The following ERBB4 variants were observed in gnomAD, a reference collection of about 807,000 sequenced individuals.
ERBB4 encodes the protein receptor tyrosine-protein kinase erbB-4.
A neutral mutation model predicts 158.0 loss-of-function variants in ERBB4; 42 were observed. That is an observed-to-expected ratio of 0.27 (90% CI 0.21 to 0.34). ERBB4 has a LOEUF of 0.34. ERBB4 is among the 10% of genes least tolerant of loss of function. ERBB4 has a pLI of 1.00. For synonymous variants in ERBB4, 583 were observed against 558.7 expected (o/e 1.04, Z -0.61); for missense variants, 1,333 against 1,624.1 (o/e 0.82, Z 3.08).
At chr2:212,450,554 C>CA (rs554193980) in intron 1 of ERBB4, among the ~76,000 whole-genome samples, 1,693 of 152,056 alleles carry the variant, frequency 0.011, 16 homozygotes, top group South Asian at 0.024. Flanking sequence ...CCTAGAGGCT[C>CA]AAAAAATACA....
rs1412139522 is a variant in ERBB4, at chr2:211,536,477, AAAGGCAAAC to A, written c.2487+25417_2487+25425del. On this transcript the variant is annotated intron_variant, in intron 20 of 27. Transcript: ENST00000342788. Reference sequence around the variant, plus strand: ...CTTCAGACATTACAAACATGACTTGAAAGGCAAACACTTGGAAAAGTCCCACTCTCCAGG... The same window carrying A: ...CTTCAGACATTACAAACATGACTTGAACTTGGAAAAGTCCCACTCTCCAGG... Among the ~76,000 whole-genome samples the A allele has an allele frequency of 2.6e-5, 4 of 152,164 alleles. No homozygotes were observed. In the East Asian group the frequency reaches 7.8e-4, roughly 30 times the overall value.
At chr2:211,610,035 A>G (rs1393204696) in intron 19 of ERBB4, among the ~76,000 whole-genome samples, 1 of 152,114 alleles carries the variant, frequency 6.6e-6, no homozygotes, top group African/African-American at 2.4e-5. Context: ...CTTTTGTAAT[A>G]CCATTTTTAG....
chr2:212,414,323 T>A (rs1560255857), intron 1 of ERBB4, among the ~76,000 whole-genome samples: 2 of 152,206 alleles, frequency 1.3e-5, no homozygotes, highest in Non-Finnish European at 2.9e-5. Context: ...ATGTTTTCAT[T>A]CTATATTCTT....
intron 2 of ERBB4, among the ~76,000 whole-genome samples, chr2:212,025,445 T>C (rs978736547): frequency 6.6e-6 from 1 of 151,798 alleles, no homozygotes; most frequent in African/African-American, 2.4e-5. Flanking sequence ...GTAGAAAGTC[T>C]TGTCCAAAGA....
At chr2:211,650,590 C>A (rs1358928825) in intron 16 of ERBB4, among the ~76,000 whole-genome samples, 1 of 152,060 alleles carries the variant, frequency 6.6e-6, no homozygotes, top group East Asian at 1.9e-4. Context: ...TGTGAATATG[C>A]AATATCATTC....
At chr2:212,271,058 T>C (rs760955417) in intron 1 of ERBB4, among the ~76,000 whole-genome samples, 1 of 151,854 alleles carries the variant, frequency 6.6e-6, no homozygotes, top group Non-Finnish European at 1.5e-5. Flanking sequence ...ACTACAATTA[T>C]CTCCATATTC....
chr2:211,584,637 A>C (rs1021924875), intron 19 of ERBB4, among the ~76,000 whole-genome samples: 4 of 152,052 alleles, frequency 2.6e-5, no homozygotes, highest in Non-Finnish European at 4.4e-5. Context: ...TGGCACATAA[A>C]GATTAAAATT....
intron 1 of ERBB4, among the ~76,000 whole-genome samples, chr2:212,163,565 T>TTAGAATAATGAATAATTTTTAC (rs1465957105): frequency 1.3e-5 from 2 of 151,998 alleles, no homozygotes; most frequent in African/African-American, 2.4e-5. Context: ...ATAATGGCTC[T>TTAGAATAATGAATAATTTTTAC]TAGAATAATG....
chr2:211,701,824 AT>A (rs2073264982), intron 12 of ERBB4, 142 bp downstream of exon 12: 1 of 622,276 alleles, frequency 1.6e-6, no homozygotes, highest in African/African-American at 1.9e-5. Context: ...CATGTTGGTA[AT>A]TGTAACAACT....
chr2:212,496,325 ATTC>A (rs1445290397), intron 1 of ERBB4, among the ~76,000 whole-genome samples: 4 of 151,964 alleles, frequency 2.6e-5, no homozygotes, highest in African/African-American at 7.2e-5. Context: ...TGTAGATTAT[ATTC>A]TTCATGTGCA....
intron 1 of ERBB4, among the ~76,000 whole-genome samples, chr2:212,523,757 A>G (rs1003103779): frequency 8.5e-5 from 13 of 152,066 alleles, no homozygotes; most frequent in African/African-American, 3.1e-4. Context: ...CACAGAACTC[A>G]ATCCTCACCC....
intron 1 of ERBB4, among the ~76,000 whole-genome samples, chr2:212,472,736 T>C (rs1431950026): frequency 6.6e-6 from 1 of 151,910 alleles, no homozygotes. Context: ...TTGCATGTTA[T>C]AACAATGTCA....
At chr2:211,990,971 C>A (rs1172608797) in intron 2 of ERBB4, among the ~76,000 whole-genome samples, 1 of 151,548 alleles carries the variant, frequency 6.6e-6, no homozygotes. Context: ...ATCTAACATA[C>A]AAATTTTAGC....
chr2:211,561,984 G>T lies in ERBB4; in HGVS notation c.2406C>A (p.Gly802=), dbSNP rs1414717052. ...IQLVTQLMPH[G]CLLEYVHEHK... ...GCTCGTGGACATACTCCAACAGGCA[G>T]CCATGGGGCATAAGTTGAGTAACCA... Residue 802 remains glycine (G), a synonymous_variant, in exon 20 of 28, where the codon GGC becomes GGA. Transcript: ENST00000342788. 6.2e-7 allele frequency: 1 copy of T among 1,614,004 alleles called. No individual in the cohort carries two copies. Among genetic ancestry groups the T allele is most frequent in the Non-Finnish European group, 8.5e-7 (1 of 1,180,034 alleles).
At chr2:211,955,543 T>C (rs1027399044) in intron 2 of ERBB4, among the ~76,000 whole-genome samples, 3 of 152,088 alleles carry the variant, frequency 2.0e-5, no homozygotes, top group Non-Finnish European at 4.4e-5. Context: ...TGGCCCAAAG[T>C]TGTCTCTGTA....
chr2:211,383,394 G>A lies in ERBB4; in HGVS notation c.*221C>T, dbSNP rs2062611095. The A allele has an allele frequency of 1.8e-6, 1 of 567,012 alleles. No homozygotes were observed. The allele number at this position is 567,012 out of a possible 1,614,324, so 35.1% of individuals were successfully genotyped here. A position where few individuals can be genotyped will look rare whatever the true frequency, so the allele number is the denominator to read the frequency against. On this transcript the variant is annotated 3_prime_UTR_variant, in exon 28 of 28. Transcript: ENST00000342788. ...CATTCTCCTGACCAACCCATGCAGAGAAATGAAGAAACATTGTGGTTCCTC... is the reference window on the plus strand; with the variant it reads ...CATTCTCCTGACCAACCCATGCAGAAAAATGAAGAAACATTGTGGTTCCTC...
intron 1 of ERBB4, among the ~76,000 whole-genome samples, chr2:212,157,626 C>A (rs2081080547): frequency 6.6e-6 from 1 of 152,010 alleles, no homozygotes; most frequent in East Asian, 1.9e-4. Context: ...TCTAATATTT[C>A]TCATTACAAA....
At chr2:212,211,431 C>T (rs1162583270) in intron 1 of ERBB4, among the ~76,000 whole-genome samples, 1 of 152,082 alleles carries the variant, frequency 6.6e-6, no homozygotes, top group Admixed American at 6.6e-5. Flanking sequence ...CTCTGAAAGG[C>T]TATAAGACTA....
chr2:211,529,089 T>C (rs1207130251), intron 20 of ERBB4, among the ~76,000 whole-genome samples: 1 of 145,090 alleles, frequency 6.9e-6, no homozygotes, highest in Non-Finnish European at 1.5e-5. Flanking sequence ...ATAAACAAAA[T>C]TGAAAAACCA....
Sources: allele counts gnomAD v4.1 joint callset (sites outside exome capture counted in the v4.1 genomes callset), GRCh38; gene constraint gnomAD v4.1.1; transcripts MANE v1.5; gene names NCBI Gene and HGNC (gene_info 2026-07-23, HGNC 2026-07-21).